Variants in CSMD1 observed in about 807,000 individuals in gnomAD.
The protein encoded by CSMD1 is CUB and sushi domain-containing protein 1.
A neutral mutation model predicts 417.5 loss-of-function variants in CSMD1; 213 were observed. That is an observed-to-expected ratio of 0.51 (90% CI 0.46 to 0.57). The LOEUF is 0.57. Ranked by LOEUF, CSMD1 falls within the 20% of genes least tolerant of loss-of-function variation. The pLI is 0.00. For missense variants in CSMD1, 6,923 were observed against 4,529.7 expected (o/e 1.53, Z -15.17); for synonymous variants, 2,862 against 1,736.8 (o/e 1.65, Z -16.11).
chr8:3,982,393 A>C (rs1813951333), intron 5 of CSMD1, among the ~76,000 whole-genome samples: 1 of 151,752 alleles, frequency 6.6e-6, no homozygotes. Context: ...TGTTAGGAAA[A>C]TTAAATGAGC....
intron 3 of CSMD1, among the ~76,000 whole-genome samples, chr8:4,314,831 G>A (rs771329116): frequency 3.3e-5 from 5 of 152,156 alleles, no homozygotes; most frequent in Non-Finnish European, 5.9e-5. Context: ...AAAGGATTTT[G>A]TAAGAGGAGG....
chr8:4,854,873 A>G (rs1801701701), intron 1 of CSMD1, among the ~76,000 whole-genome samples: 1 of 152,302 alleles, frequency 6.6e-6, no homozygotes. Flanking sequence ...GCTTAGGTAA[A>G]CAAAGCAGCC....
chr8:4,778,514 G>C lies in CSMD1; in HGVS notation c.86-140956C>G, dbSNP rs574618819. ...AGCACTTTGCACTGTAAGTGGCACG[G>C]TATAAGCATACAGCAAATCATAACT... On this transcript the variant is annotated intron_variant, in intron 1 of 69. Coordinates refer to ENST00000635120, the MANE Select transcript of CSMD1 (RefSeq NM_033225.6). 8.5e-4 allele frequency among the ~76,000 whole-genome samples: 129 copies of C among 152,256 alleles called. 1 individual carries two copies. The highest frequency in any genetic ancestry group is 1.5e-3 in the Non-Finnish European group (101 of 68,014).
intron 3 of CSMD1, among the ~76,000 whole-genome samples, chr8:4,201,114 C>G (rs781625050): frequency 4.6e-5 from 7 of 152,152 alleles, no homozygotes; most frequent in Non-Finnish European, 8.8e-5. Context: ...GAATCAGTGA[C>G]TTTGCATATC....
intron 3 of CSMD1, among the ~76,000 whole-genome samples, chr8:4,077,662 G>T (rs922913877): frequency 6.6e-6 from 1 of 152,034 alleles, no homozygotes; most frequent in African/African-American, 2.4e-5. Flanking sequence ...AGGTATATTT[G>T]ATCTTTTTCA....
chr8:3,657,012 C>A (rs558854794), intron 7 of CSMD1, among the ~76,000 whole-genome samples: 1 of 151,900 alleles, frequency 6.6e-6, no homozygotes, highest in Admixed American at 6.6e-5. Context: ...CCACTCATGG[C>A]CAATGAGACA....
Position 3,106,533 on chromosome 8 carries a change from C to G in CSMD1, c.6944G>C (p.Cys2315Ser), listed in dbSNP as rs767654196. 1 of 1,608,086 alleles carries G rather than the reference C, an allele frequency of 6.2e-7. No homozygotes were observed. Among genetic ancestry groups the G allele is most frequent in the South Asian group, 1.1e-5 (1 of 90,802 alleles). Residue 2315 changes from cysteine (C) to serine (S), a missense_variant, in exon 46 of 70, where the codon TGT becomes TCT. Cys to Ser is a moderately radical substitution (Grantham distance 112). Coordinates refer to ENST00000635120, the MANE Select transcript of CSMD1 (RefSeq NM_033225.6). ...TAGTATCGAACAGTGCATACCTTCA[C>G]ATGTTGGGAGAGAACCCTCAAACTG... ...QLQFEGSLPT[C>S]EAQCPANEVR... is the part of the protein sequence containing the mutation.
intron 7 of CSMD1, among the ~76,000 whole-genome samples, chr8:3,698,445 T>C (rs575049134): frequency 1.6e-3 from 241 of 152,350 alleles, no homozygotes; most frequent in African/African-American, 5.5e-3. Flanking sequence ...TAGAGGTTAA[T>C]GGCGCTATTA....
chr8:3,843,106 T>C (rs983071177), intron 5 of CSMD1, among the ~76,000 whole-genome samples: 24 of 152,174 alleles, frequency 1.6e-4, no homozygotes, highest in East Asian at 1.3e-3. Flanking sequence ...ATTTATTCTT[T>C]AGAGAGTTTG....
At chr8:4,612,369 T>C (rs899421876) in intron 2 of CSMD1, among the ~76,000 whole-genome samples, 1 of 151,932 alleles carries the variant, frequency 6.6e-6, no homozygotes, top group Non-Finnish European at 1.5e-5. Context: ...ACAAGAGGAA[T>C]GGTTTTCCAA....
In CSMD1 at chr8:4,061,301, A is replaced by G. The variant is rs188981395; in HGVS notation, c.416-29202T>C. On this transcript the variant is annotated intron_variant, in intron 3 of 69. Transcript: ENST00000635120. ...TTCACAGAGAGGTACATCTTATCAT[A>G]CAAGAATTTCTTTAACAAGGAACCA... Among the ~76,000 whole-genome samples the G allele has an allele frequency of 1.4e-3, 215 of 152,306 alleles. 1 individual carries two copies. The highest frequency in any genetic ancestry group is 4.5e-3 in the African/African-American group (186 of 41,552).
intron 2 of CSMD1, among the ~76,000 whole-genome samples, chr8:4,618,085 T>G (rs530887115): frequency 6.6e-6 from 1 of 152,160 alleles, no homozygotes; most frequent in Non-Finnish European, 1.5e-5. Context: ...CTGAATTTTT[T>G]GGTACAATCT....
chr8:3,513,855 C>A, intron 10 of CSMD1, among the ~76,000 whole-genome samples: 1 of 152,048 alleles, frequency 6.6e-6, no homozygotes, highest in South Asian at 2.1e-4. Context: ...GAGAGAAGAT[C>A]CTGGAGTATG....
intron 7 of CSMD1, among the ~76,000 whole-genome samples, chr8:3,691,931 T>A (rs1243599767): frequency 6.6e-6 from 1 of 152,190 alleles, no homozygotes; most frequent in Non-Finnish European, 1.5e-5. Flanking sequence ...CACACTCCAA[T>A]ATTATTTTAA....
chr8:3,151,572 C>T, intron 39 of CSMD1, 59 bp from the exon 40 acceptor site: 2 of 1,060,706 alleles, frequency 1.9e-6, no homozygotes, highest in Non-Finnish European at 2.9e-6. Context: ...GGAATCTTTG[C>T]TCCAACCTGC....
At chr8:3,690,153 G>A (rs916751914) in intron 7 of CSMD1, among the ~76,000 whole-genome samples, 1 of 152,182 alleles carries the variant, frequency 6.6e-6, no homozygotes, top group Non-Finnish European at 1.5e-5. Flanking sequence ...AAGCCCAGGA[G>A]TTTGAGACCA....
intron 10 of CSMD1, among the ~76,000 whole-genome samples, chr8:3,494,508 T>C (rs1177674363): frequency 2.6e-5 from 4 of 151,794 alleles, no homozygotes; most frequent in East Asian, 3.9e-4. Context: ...AGATAGATGA[T>C]AGATTAGATG....
intron 3 of CSMD1, among the ~76,000 whole-genome samples, chr8:4,049,331 A>G (rs559889742): frequency 6.6e-6 from 1 of 152,056 alleles, no homozygotes; most frequent in Admixed American, 6.6e-5. Context: ...TCTATCTACT[A>G]GATGCCATAG....
chr8:3,292,148 T>A (rs868218703), intron 25 of CSMD1, among the ~76,000 whole-genome samples: 3 of 152,232 alleles, frequency 2.0e-5, no homozygotes, highest in Non-Finnish European at 4.4e-5. Flanking sequence ...TGAATGAGTT[T>A]CTTTATCTTG....
Sources: gnomAD v4.1 joint callset for allele counts (sites outside exome capture counted in the v4.1 genomes callset) on GRCh38, gnomAD v4.1.1 for gene constraint, MANE v1.5 for transcripts, NCBI Gene and HGNC (gene_info 2026-07-23, HGNC 2026-07-21) for gene names.